Variants in ERFL observed in about 807,000 individuals in gnomAD.
The protein encoded by ERFL is ETS domain-containing transcription factor ERF-like.
In ERFL, 8 loss-of-function variants were observed where a neutral mutation model predicts 27.9. The ratio of observed to expected loss-of-function variants is 0.29; its 90% CI spans 0.17 to 0.52. ERFL has a LOEUF of 0.52. ERFL is among the 20% of genes least tolerant of loss of function. The pLI, the probability that ERFL is intolerant of heterozygous loss-of-function variation, is 0.97. For synonymous variants in ERFL, 174 were observed against 202.8 expected (o/e 0.86, Z 1.21); for missense variants, 294 against 444.4 (o/e 0.66, Z 3.04).
chr19:41,922,566 CAT>C (rs1379902130), intron 1 of ERFL, among the ~76,000 whole-genome samples: 3 of 152,022 alleles, frequency 2.0e-5, no homozygotes, highest in African/African-American at 7.3e-5. Flanking sequence ...GGAGGGCAAA[CAT>C]GAGGGGCAGA....
At chr19:41,914,874 C>A (rs1300607749) in intron 1 of ERFL, among the ~76,000 whole-genome samples, 11 of 54,800 alleles carry the variant, frequency 2.0e-4, no homozygotes, top group Non-Finnish European at 3.9e-4. Flanking sequence ...ATCTCTGTCT[C>A]TCCCTCCCCT....
chr19:41,918,297 G>A (rs2074814515), intron 1 of ERFL, among the ~76,000 whole-genome samples: 1 of 147,668 alleles, frequency 6.8e-6, no homozygotes, highest in Non-Finnish European at 1.5e-5. Context: ...ATACACCACA[G>A]ACACACCTAG....
intron 1 of ERFL, among the ~76,000 whole-genome samples, chr19:41,915,213 C>A (rs2074793063): frequency 6.8e-6 from 1 of 148,036 alleles, no homozygotes; most frequent in Non-Finnish European, 1.5e-5. Context: ...CCGCCGCCTC[C>A]TCCGGACACG....
At chr19:41,914,560 ACCATCTCTGTCT>A (rs1447934603) in intron 1 of ERFL, among the ~76,000 whole-genome samples, 70 of 65,402 alleles carry the variant, frequency 1.1e-3, no homozygotes, top group Non-Finnish European at 1.3e-3. Flanking sequence ...CTCCCCTTCC[ACCATCTCTGTCT>A]CCGTCTCTCC....
At chr19:41,919,599 C>T (rs11878555) in intron 1 of ERFL, among the ~76,000 whole-genome samples, 40,427 of 151,962 alleles carry the variant, frequency 0.27, 11,577 homozygotes, top group African/African-American at 0.72. Flanking sequence ...CAGCAACCCC[C>T]GAACACCAAC....
intron 1 of ERFL, among the ~76,000 whole-genome samples, chr19:41,913,221 T>TCCCCGCCA (rs1555851414): frequency 6.9e-6 from 1 of 145,966 alleles, no homozygotes; most frequent in African/African-American, 2.6e-5. Context: ...CCCTCCCCGC[T>TCCCCGCCA]CCCCGCCACT....
At chr19:41,923,253 C>T (rs1555852817) in intron 1 of ERFL, 2 of 448,066 alleles carry the variant, frequency 4.5e-6, no homozygotes, top group African/African-American at 2.0e-5. Flanking sequence ...ACTCTAGGCC[C>T]CCGATATTTG....
rs2074725109 is a variant in ERFL, at chr19:41,907,797, T to C, written c.*431A>G. The C allele has an allele frequency of 6.0e-6, 1 of 165,906 alleles. No individual in the cohort carries two copies. The highest frequency in any genetic ancestry group is 2.0e-4 in the South Asian group (1 of 5,030). The allele number at this position is 165,906 out of a possible 1,614,324, so 10.3% of individuals were successfully genotyped here. ...GGTGGGGAGGGGGGCCCCTCCTGGG[T>C]GGGGGCTGGGGGCGGGGTTATTGCT... is the stretch of plus-strand genomic sequence containing the variant. On this transcript the variant is annotated 3_prime_UTR_variant, in exon 6 of 6. Coordinates refer to ENST00000597630, the MANE Select transcript of ERFL (RefSeq NM_001365103.2).
rs1026065140 is a variant in ERFL at position 41,908,283 on chromosome 19, T to G, written c.1010A>C (p.Glu337Ala). 8 of 1,231,388 alleles carry G rather than the reference T, an allele frequency of 6.5e-6. No homozygotes were observed. The African/African-American group carries it at 9.3e-5, about 14-fold the overall frequency. The allele number at this position is 1,231,388 out of a possible 1,614,324, so 76.3% of individuals were successfully genotyped here. Reference protein sequence around the residue: ...SGCSSDSEGDEGLPAPPKAKA... With the variant: ...SGCSSDSEGDAGLPAPPKAKA... ...TGCCTTGGGGGGTGCCGGGAGACCC[T>G]CATCGCCCTCGCTGTCAGAGCTGCA... Residue 337 changes from glutamate (E) to alanine (A), a missense_variant, in exon 6 of 6, where the codon GAG becomes GCG. Glu to Ala is a moderately radical substitution (Grantham distance 107). Around this residue, in one of 3 missense-constraint regions of ERFL, gnomAD observed 246 missense variants for 371.4 expected, o/e 0.66. Coordinates refer to ENST00000597630, the MANE Select transcript of ERFL (RefSeq NM_001365103.2). This position sits in a 1 kb window ranked among gnomAD's most constrained non-coding sequence, Gnocchi z 6.7.
At position 41,908,238 on chromosome 19, in the gene ERFL, G is replaced by A; in HGVS notation, c.1055C>T (p.Thr352Ile). The A allele has an allele frequency of 8.1e-7, 1 of 1,231,734 alleles. No homozygotes were observed. Among genetic ancestry groups the A allele is most frequent in the South Asian group, 4.1e-5 (1 of 24,326 alleles). The allele number at this position is 1,231,734 out of a possible 1,614,324, so 76.3% of individuals were successfully genotyped here. ...TTGCCCCCTGCCGGCTCAGCTGCCG[G>A]TCCCCCCTTTGCCCGCCTTTGCCTT... ...PPKAKAGKGG[T>I]GS Residue 352 changes from threonine to isoleucine, a missense_variant, in exon 6 of 6, where the codon ACC (threonine) becomes ATC (isoleucine). Transcript: ENST00000597630. The surrounding 1 kb of genome is among the most constrained non-coding windows in gnomAD (Gnocchi z 6.7).
rs1457056727 is a variant in ERFL at position 41,908,383 on chromosome 19, C to T, written c.910G>A (p.Ala304Thr). ...CCAAGGGCAGCCTCTGGACCCCCAG[C>T]CCCTGGCAGCGCCAGGCGAGGGGCC... The part of the protein sequence containing the change: ...AAAPRLALPG[A>T]GGPEAALGGK... The change falls in exon 6 of 6, where the codon GCT becomes ACT. Residue 304 changes from alanine (A) to threonine (T), a missense_variant. Physicochemically the swap from Ala to Thr is moderately conservative, Grantham distance 58. Coordinates refer to ENST00000597630, the MANE Select transcript of ERFL (RefSeq NM_001365103.2). The surrounding 1 kb of genome is among the most constrained non-coding windows in gnomAD (Gnocchi z 6.7). The T allele has an allele frequency of 2.4e-6, 3 of 1,231,234 alleles. No homozygotes were observed. In the African/African-American group the frequency reaches 4.7e-5, roughly 19 times the overall value. 76.3% of individuals were successfully genotyped at this position (1,231,234 alleles called of 1,614,324 possible).
chr19:41,909,542 C>A lies in ERFL; in HGVS notation c.303-71G>T. On this transcript the variant is annotated intron_variant, in intron 3 of 5. Transcript: ENST00000597630. The surrounding 1 kb of genome is among the most constrained non-coding windows in gnomAD (Gnocchi z 5.2). ...GGGCGGGATCTGGGGTTTCTTAATGCGTGTGCTGTCCCAGGCATGGTGCAC... is the reference window on the plus strand; with the variant it reads ...GGGCGGGATCTGGGGTTTCTTAATGAGTGTGCTGTCCCAGGCATGGTGCAC... 1.8e-6 allele frequency: 2 copies of A among 1,100,950 alleles called. No individual in the cohort carries two copies. The highest frequency in any genetic ancestry group is 2.3e-6 in the Non-Finnish European group (2 of 858,042). 68.2% of individuals were successfully genotyped at this position (1,100,950 alleles called of 1,614,324 possible).
intron 1 of ERFL, among the ~76,000 whole-genome samples, chr19:41,918,765 CTACCACACACA>C (rs1716167948): frequency 6.7e-6 from 1 of 149,138 alleles, no homozygotes; most frequent in Non-Finnish European, 1.5e-5. Flanking sequence ...ACATATACAT[CTACCACACACA>C]TACCACACAC....
At chr19:41,915,229 A>ACGAGGAGC (rs1291586604) in intron 1 of ERFL, among the ~76,000 whole-genome samples, 7 of 143,526 alleles carry the variant, frequency 4.9e-5, no homozygotes, top group Admixed American at 3.5e-4. Flanking sequence ...ACACGTTATA[A>ACGAGGAGC]CGAGGAGCCG....
At chr19:41,927,381 A>G (rs782455994) in intron 1 of ERFL, among the ~76,000 whole-genome samples, 9 of 152,070 alleles carry the variant, frequency 5.9e-5, no homozygotes, top group Non-Finnish European at 1.0e-4. Context: ...CTCATACCAA[A>G]TATCCAGACC....
chr19:41,922,387 G>T (rs1193334580), intron 1 of ERFL, among the ~76,000 whole-genome samples: 4 of 152,188 alleles, frequency 2.6e-5, no homozygotes, highest in Non-Finnish European at 4.4e-5. Flanking sequence ...AGAGGGCTGG[G>T]GAAATAGGGA....
chr19:41,914,730 T>C lies in ERFL; in HGVS notation c.-13-1798A>G, dbSNP rs377050105. ...CCACCATCTCTGTCTCTCCCTCCCC[T>C]TCCACCATCTCTGTCTCTCCCTCCC... On this transcript the variant is annotated intron_variant, in intron 1 of 5. Transcript: ENST00000597630. Among the ~76,000 whole-genome samples the C allele has an allele frequency of 1.4e-3, 14 of 10,230 alleles. 2 individuals are homozygous for C. Among genetic ancestry groups the C allele is most frequent in the South Asian group, 7.7e-3 (1 of 130 alleles). The allele number at this position is 10,230 out of a possible 152,430, so 6.7% of individuals were successfully genotyped here.
chr19:41,912,412 C>T (rs373922262), intron 2 of ERFL, among the ~76,000 whole-genome samples: 15 of 152,234 alleles, frequency 9.9e-5, no homozygotes, highest in African/African-American at 1.2e-4. Context: ...TCCTGGGTCT[C>T]GGTCTGGCCG....
chr19:41,914,073 C>G (rs1555851533), intron 1 of ERFL, among the ~76,000 whole-genome samples: 1 of 26 alleles, frequency 0.038, no homozygotes, highest in African/African-American at 0.12. Flanking sequence ...CCCGTGAGCC[C>G]CGCCTACCCC....
Sources: allele counts gnomAD v4.1 joint callset (sites outside exome capture counted in the v4.1 genomes callset), GRCh38; gene constraint gnomAD v4.1.1; regional missense constraint gnomAD v4.1.1; non-coding constraint Gnocchi (gnomAD v3.1); transcripts MANE v1.5; gene names NCBI Gene and HGNC (gene_info 2026-07-23, HGNC 2026-07-21).